The following KIDINS220 variants were observed in gnomAD, a reference collection of about 807,000 sequenced individuals.
KIDINS220 encodes kinase D interacting substrate 220.
Under a neutral mutation model 157.6 loss-of-function variants are expected in KIDINS220, and 63 were observed. The observed-to-expected ratio is 0.40, with a 90% CI of 0.33 to 0.49. The LOEUF (loss-of-function observed/expected upper bound fraction) is 0.49. Ranked by LOEUF, KIDINS220 falls within the 20% of genes least tolerant of loss-of-function variation. KIDINS220 has a pLI of 0.66. For synonymous variants in KIDINS220, 732 were observed against 783.6 expected, an observed-to-expected ratio of 0.93 and a Z score of 1.10; for missense variants, 1,772 against 2,171.2, an observed-to-expected ratio of 0.82 and a Z score of 3.65.
At chr2:8,762,936 A>G (rs989724739) in intron 22 of KIDINS220, among the ~76,000 whole-genome samples, 8 of 152,204 alleles carry the variant, frequency 5.3e-5, no homozygotes, top group African/African-American at 1.9e-4. Flanking sequence ...AGACACAATT[A>G]GAACTAAATA....
At chr2:8,794,871 T>C (rs1673691014) in intron 11 of KIDINS220, among the ~76,000 whole-genome samples, 1 of 152,192 alleles carries the variant, frequency 6.6e-6, no homozygotes, top group South Asian at 2.1e-4. Context: ...CTTGAACTTT[T>C]CATCTTCTAG....
intron 7 of KIDINS220, among the ~76,000 whole-genome samples, chr2:8,804,683 T>TA (rs1292702559): frequency 2.6e-5 from 4 of 152,236 alleles, no homozygotes; most frequent in Non-Finnish European, 5.9e-5. Flanking sequence ...TTTTCCCCAA[T>TA]ATTAAAAACC....
intron 14 of KIDINS220, among the ~76,000 whole-genome samples, 178 bp from the exon 15 acceptor site, chr2:8,788,990 T>C (rs1216567677): frequency 6.6e-6 from 1 of 152,114 alleles, no homozygotes; most frequent in Non-Finnish European, 1.5e-5. Flanking sequence ...ACAGAAGATA[T>C]GAAAAATGAA....
intron 1 of KIDINS220, among the ~76,000 whole-genome samples, chr2:8,836,554 A>G (rs1245572381): frequency 6.6e-6 from 1 of 152,244 alleles, no homozygotes; most frequent in Non-Finnish European, 1.5e-5. Flanking sequence ...CATTTTAACA[A>G]GCACCCCAAA....
chr2:8,835,659 C>CAAA (rs56986834), intron 1 of KIDINS220, among the ~76,000 whole-genome samples: 6 of 87,262 alleles, frequency 6.9e-5, no homozygotes, highest in Admixed American at 3.7e-4. Flanking sequence ...GACCCTGTCT[C>CAAA]AAAAAAAAAA....
chr2:8,744,408 A>C (rs1225489033), intron 26 of KIDINS220, among the ~76,000 whole-genome samples: 1 of 35,924 alleles, frequency 2.8e-5, no homozygotes, highest in Non-Finnish European at 6.6e-5. Context: ...TATAATATAT[A>C]TATATATATA....
At chr2:8,782,918 G>A (rs1238303278) in intron 17 of KIDINS220, among the ~76,000 whole-genome samples, 1 of 152,182 alleles carries the variant, frequency 6.6e-6, no homozygotes, top group African/African-American at 2.4e-5. Context: ...ACTAGGCTGG[G>A]CACAATGGCT....
rs538456776 is a variant in KIDINS220 at position 8,810,682 on chromosome 2, A to C, written c.504+1713T>G. Among the ~76,000 whole-genome samples the C allele has an allele frequency of 1.4e-4, 21 of 152,284 alleles. No individual in the cohort carries two copies. The East Asian group carries it at 4.1e-3, about 29-fold the overall frequency. On this transcript the variant is annotated intron_variant, in intron 6 of 29. Coordinates refer to ENST00000256707, the MANE Select transcript of KIDINS220 (RefSeq NM_020738.4). ...GCACCTGTAATCCCAGCTACTCAGAAGGCTGACACAGGAGAATCGCTTGAA... is the reference window on the plus strand; with the variant it reads ...GCACCTGTAATCCCAGCTACTCAGACGGCTGACACAGGAGAATCGCTTGAA...
chr2:8,825,110 G>A (rs544717339), intron 2 of KIDINS220, among the ~76,000 whole-genome samples: 14 of 152,234 alleles, frequency 9.2e-5, no homozygotes, highest in African/African-American at 3.4e-4. Flanking sequence ...CAGTGGTCAT[G>A]CCTGCAATCA....
chr2:8,767,585 T>C (rs1669642311), intron 22 of KIDINS220, among the ~76,000 whole-genome samples: 2 of 152,032 alleles, frequency 1.3e-5, no homozygotes. Context: ...TGTGCAATAA[T>C]CCAGGCCAAA....
At position 8,731,653 on chromosome 2, in the gene KIDINS220, T is replaced by A; in HGVS notation, c.4383A>T (p.Ser1461=). The change falls in exon 30 of 30, where the codon TCA becomes TCT. Residue 1461 remains serine, a synonymous_variant. Transcript: ENST00000256707. The surrounding 1 kb of genome is among the most constrained non-coding windows in gnomAD (Gnocchi z 5.2). ...CATCGTTGGTGGAAACCCCTGATGA[T>A]GAATAATCGATAACATCTCCCCTCT... ...LMKRGDVIDY[S]SSGVSTNDAS... 1 of 1,614,210 alleles carries A rather than the reference T, an allele frequency of 6.2e-7. No homozygotes were observed. Among genetic ancestry groups the A allele is most frequent in the Non-Finnish European group, 8.5e-7 (1 of 1,180,046 alleles).
chr2:8,801,087 G>A (rs1018605105), intron 8 of KIDINS220, among the ~76,000 whole-genome samples: 1 of 152,142 alleles, frequency 6.6e-6, no homozygotes, highest in African/African-American at 2.4e-5. Flanking sequence ...ACAACCTCAT[G>A]AGGACATTGC....
intron 11 of KIDINS220, among the ~76,000 whole-genome samples, chr2:8,796,057 C>A (rs1435911367): frequency 6.6e-6 from 1 of 152,078 alleles, no homozygotes; most frequent in East Asian, 1.9e-4. Context: ...AACACATTGA[C>A]TCGTGACTCC....
At chr2:8,823,061 GAACTCCTGGGGTCA>G (rs1678233647) in intron 2 of KIDINS220, among the ~76,000 whole-genome samples, 1 of 152,030 alleles carries the variant, frequency 6.6e-6, no homozygotes, top group Non-Finnish European at 1.5e-5. Flanking sequence ...CTGCAGCCTT[GAACTCCTGGGGTCA>G]AGCAATCCTC....
chr2:8,803,705 AT>A (rs1167116546), intron 7 of KIDINS220, among the ~76,000 whole-genome samples: 3 of 152,186 alleles, frequency 2.0e-5, no homozygotes, highest in Non-Finnish European at 1.5e-5. Context: ...AAAATTGCAC[AT>A]CTATTTTATA....
At chr2:8,769,479 TAAC>T (rs1333596873) in intron 22 of KIDINS220, among the ~76,000 whole-genome samples, 6 of 152,186 alleles carry the variant, frequency 3.9e-5, no homozygotes, top group Non-Finnish European at 8.8e-5. Context: ...ACACAAATGA[TAAC>T]AACAACAATC....
intron 18 of KIDINS220, 92 bp from the exon 19 acceptor site, chr2:8,779,231 A>G: frequency 6.9e-7 from 1 of 1,449,160 alleles, no homozygotes; most frequent in Non-Finnish European, 9.3e-7. Flanking sequence ...CCTTTTGGTG[A>G]CAATATTTCT....
intron 22 of KIDINS220, chr2:8,757,567 A>G: frequency 6.6e-7 from 1 of 1,518,856 alleles, no homozygotes; most frequent in Non-Finnish European, 8.8e-7. Context: ...GAAGGCCAGT[A>G]CCTCTGGTTG....
intron 1 of KIDINS220, among the ~76,000 whole-genome samples, chr2:8,835,973 C>T (rs147518182): frequency 6.6e-6 from 1 of 152,090 alleles, no homozygotes; most frequent in African/African-American, 2.4e-5. Context: ...AGATACCAGT[C>T]AAGGAATCAC....
Sources: allele counts gnomAD v4.1 joint callset (sites outside exome capture counted in the v4.1 genomes callset), GRCh38; gene constraint gnomAD v4.1.1; non-coding constraint Gnocchi (gnomAD v3.1); transcripts MANE v1.5; gene names NCBI Gene and HGNC (gene_info 2026-07-23, HGNC 2026-07-21).